Variants in NLGN4X observed in about 807,000 individuals in gnomAD.
NLGN4X encodes neuroligin 4 X-linked, also known as neuroligin-4, X-linked.
In NLGN4X, 3 loss-of-function variants were observed where a neutral mutation model predicts 40.3. The ratio of observed to expected loss-of-function variants is 0.07; its 90% confidence interval spans 0.03 to 0.19. NLGN4X has a LOEUF of 0.19. Among genes scored for constraint, NLGN4X ranks in the 10% least tolerant of loss-of-function variants. The pLI is 1.00. For synonymous variants in NLGN4X, 270 were observed against 306.8 expected, an observed-to-expected ratio of 0.88 and a Z score of 1.25; for missense variants, 382 against 708.3, an observed-to-expected ratio of 0.54 and a Z score of 5.23.
intron 3 of NLGN4X, among the ~76,000 whole-genome samples, chrX:5,981,897 A>G (rs1459116754): frequency 1.8e-5 from 2 of 111,865 alleles, no homozygotes. Flanking sequence ...ACTAATCAAC[A>G]GCTGGCACTA....
intron 3 of NLGN4X, among the ~76,000 whole-genome samples, chrX:5,922,563 T>C (rs2033113136): frequency 9.0e-6 from 1 of 111,608 alleles, no homozygotes; most frequent in African/African-American, 3.3e-5. Context: ...GCAAAACTAA[T>C]ATTAAAACCT....
intron 2 of NLGN4X, among the ~76,000 whole-genome samples, chrX:6,143,401 T>C (rs1247557710): frequency 9.0e-6 from 1 of 111,570 alleles, no homozygotes; most frequent in Non-Finnish European, 1.9e-5. Flanking sequence ...CCGGAAGGAG[T>C]GGGGAACACA....
intron 3 of NLGN4X, among the ~76,000 whole-genome samples, chrX:5,941,331 AT>A (rs775184196): frequency 2.7e-5 from 3 of 110,052 alleles, no homozygotes; most frequent in South Asian, 7.8e-4. Flanking sequence ...CTGCAAATTA[AT>A]TCAAGGAAAA....
At chrX:5,960,613 G>C (rs2034629402) in intron 3 of NLGN4X, among the ~76,000 whole-genome samples, 1 of 111,500 alleles carries the variant, frequency 9.0e-6, no homozygotes, top group Non-Finnish European at 1.9e-5. Flanking sequence ...TATAAATTGT[G>C]TGTGACAAGC....
At chrX:6,116,698 T>A (rs1395581093) in intron 2 of NLGN4X, among the ~76,000 whole-genome samples, 1 of 108,904 alleles carries the variant, frequency 9.2e-6, no homozygotes, top group Non-Finnish European at 1.9e-5. Flanking sequence ...CCCGGCTAAT[T>A]TTTATATTTT....
intron 1 of NLGN4X, among the ~76,000 whole-genome samples, chrX:6,172,425 G>A (rs2040626590): frequency 9.0e-6 from 1 of 111,666 alleles, no homozygotes; most frequent in Admixed American, 9.5e-5. Context: ...CTCCATATTC[G>A]TTCCTTTCCA....
At chrX:5,965,711 G>A (rs1297002885) in intron 3 of NLGN4X, among the ~76,000 whole-genome samples, 1 of 111,829 alleles carries the variant, frequency 8.9e-6, no homozygotes, top group Non-Finnish European at 1.9e-5. Context: ...TTGGATAAGA[G>A]ATAAAATAGA....
At chrX:5,945,751 A>AAC (rs947525060) in intron 3 of NLGN4X, among the ~76,000 whole-genome samples, 3 of 111,069 alleles carry the variant, frequency 2.7e-5, no homozygotes, top group Non-Finnish European at 5.7e-5. Context: ...AGAGGGGAAC[A>AAC]ACACACACTG....
intron 1 of NLGN4X, among the ~76,000 whole-genome samples, chrX:6,222,154 CG>C (rs1407476915): frequency 9.0e-6 from 1 of 111,017 alleles, no homozygotes; most frequent in African/African-American, 3.3e-5. Context: ...TAGCAAAATC[CG>C]TGTCCCCTCT....
At position 6,225,681 on chromosome X, in the gene NLGN4X, C is replaced by CTTTTTTTTTTTTTTTTTTTTTTTT. The variant is rs1569309354; in HGVS notation, c.-306+2859_-306+2860insAAAAAAAAAAAAAAAAAAAAAAAA. 1.1e-3 allele frequency among the ~76,000 whole-genome samples: 37 copies of CTTTTTTTTTTTTTTTTTTTTTTTT among 33,782 alleles called. 1 individual carries two copies. The highest frequency in any genetic ancestry group is 1.6e-3 in the Non-Finnish European group (32 of 19,951). 29.3% of individuals were successfully genotyped at this position (33,782 alleles called of 115,157 possible). A position where few individuals can be genotyped will look rare whatever the true frequency, so the allele number is the denominator to read the frequency against. On this transcript the variant is annotated intron_variant, in intron 1 of 5. Transcript: ENST00000381095. ...CTTTTTCTTTTCCTTTTTTTTCTTTCTTTTTTTCTTTTTTTTTTTTTTTTT... is the reference window on the plus strand; with the variant it reads ...CTTTTTCTTTTCCTTTTTTTTCTTTCTTTTTTTTTTTTTTTTTTTTTTTTTTTTTTTCTTTTTTTTTTTTTTTTT...
intron 2 of NLGN4X, among the ~76,000 whole-genome samples, chrX:6,102,991 G>A (rs990747264): frequency 4.5e-5 from 5 of 111,518 alleles, no homozygotes; most frequent in African/African-American, 1.6e-4. Context: ...GATTAGGGAA[G>A]CTGTGAATTC....
At chrX:6,135,567 T>C (rs142715744) in intron 2 of NLGN4X, among the ~76,000 whole-genome samples, 22 of 111,610 alleles carry the variant, frequency 2.0e-4, no homozygotes, top group African/African-American at 6.8e-4. Context: ...CTAAGCCTAC[T>C]GGACTTACCC....
intron 3 of NLGN4X, among the ~76,000 whole-genome samples, chrX:5,983,088 C>T (rs1044025691): frequency 1.2e-4 from 14 of 112,352 alleles, no homozygotes; most frequent in African/African-American, 3.6e-4. Context: ...TAACATTTTC[C>T]TACCTTCATG....
intron 3 of NLGN4X, among the ~76,000 whole-genome samples, chrX:6,013,334 C>T (rs548678873): frequency 9.4e-6 from 1 of 106,811 alleles, no homozygotes; most frequent in East Asian, 2.9e-4. Context: ...TGAGTGTAAA[C>T]AGTGGAAATA....
intron 1 of NLGN4X, among the ~76,000 whole-genome samples, chrX:6,183,992 A>G (rs746982495): frequency 8.9e-6 from 1 of 112,562 alleles, no homozygotes; most frequent in Non-Finnish European, 1.9e-5. Context: ...TCAGTTAATT[A>G]ACTGATTTTT....
At chrX:5,936,652 T>C (rs143426618) in intron 3 of NLGN4X, among the ~76,000 whole-genome samples, 181 of 112,038 alleles carry the variant, frequency 1.6e-3, no homozygotes, top group Non-Finnish European at 2.7e-3. Context: ...AATTGGTACA[T>C]AGTAATTACT....
chrX:6,213,756 G>C (rs1980633633), intron 1 of NLGN4X, among the ~76,000 whole-genome samples: 1 of 112,210 alleles, frequency 8.9e-6, no homozygotes, highest in Non-Finnish European at 1.9e-5. Flanking sequence ...GAACAATTCT[G>C]CTGGCTTCCA....
intron 3 of NLGN4X, among the ~76,000 whole-genome samples, chrX:5,912,280 C>G (rs1351509571): frequency 2.7e-5 from 3 of 110,901 alleles, no homozygotes; most frequent in Non-Finnish European, 5.7e-5. Flanking sequence ...CCTCTGTGTC[C>G]CCACATAGAG....
intron 2 of NLGN4X, among the ~76,000 whole-genome samples, chrX:6,096,950 T>G (rs745613198): frequency 1.9e-5 from 2 of 106,329 alleles, no homozygotes; most frequent in African/African-American, 7.0e-5. Flanking sequence ...TCATATCGTG[T>G]GTGTGTGTGT....
Sources: gnomAD v4.1 joint callset for allele counts (sites outside exome capture counted in the v4.1 genomes callset) on GRCh38, gnomAD v4.1.1 for gene constraint, MANE v1.5 for transcripts, NCBI Gene and HGNC (gene_info 2026-07-23, HGNC 2026-07-21) for gene names.